ANK3: variants seen among roughly 807,000 people sequenced by gnomAD.
The protein encoded by ANK3 is ankyrin 3.
In ANK3, 57 loss-of-function variants were observed where a neutral mutation model predicts 370.9. That is an observed-to-expected ratio of 0.15 (90% CI 0.12 to 0.19). ANK3 has a LOEUF of 0.19. ANK3 is among the 10% of genes least tolerant of loss of function. The pLI is 1.00. For synonymous variants in ANK3, 1,929 were observed against 1,946.3 expected (o/e 0.99, Z 0.23); for missense variants, 4,439 against 5,302.1 (o/e 0.84, Z 5.06).
chr10:60,097,658 C>T (rs3793857), intron 28 of ANK3, among the ~76,000 whole-genome samples: 134,624 of 152,202 alleles, frequency 0.88, 59,870 homozygotes, highest in Non-Finnish European at 0.93. Context: ...TTACTCTTAA[C>T]GCTTTCAAAT....
intron 1 of ANK3, among the ~76,000 whole-genome samples, chr10:60,621,959 T>G (rs746771912): frequency 1.3e-5 from 2 of 152,114 alleles, no homozygotes; most frequent in African/African-American, 2.4e-5. Flanking sequence ...CTCAATCTAG[T>G]AGTAATCACA....
Position 60,069,489 on chromosome 10 carries a change from G to C in ANK3, c.11392C>G (p.Gln3798Glu). ...NNNNLDSSTI[Q>E]TDNIMSNIVL... ...ATATTACTCATAATGTTATCTGTCTGTATAGTGGAAGAATCCAAATTGTTG... is the reference window on the plus strand; with the variant it reads ...ATATTACTCATAATGTTATCTGTCTCTATAGTGGAAGAATCCAAATTGTTG... The change falls in exon 37 of 44, where the codon CAG becomes GAG. Residue 3798 changes from glutamine to glutamate, a missense_variant. Gln to Glu is a conservative substitution (Grantham distance 29). Around this residue, in one of 13 missense-constraint regions of ANK3, gnomAD observed 496 missense variants for 529.3 expected, o/e 0.94. Coordinates refer to ENST00000280772, the MANE Select transcript of ANK3 (RefSeq NM_020987.5). The C allele has an allele frequency of 6.2e-7, 1 of 1,613,826 alleles. No individual in the cohort carries two copies. The highest frequency in any genetic ancestry group is 8.5e-7 in the Non-Finnish European group (1 of 1,179,878).
At chr10:60,348,113 C>T (rs933202805) in intron 1 of ANK3, among the ~76,000 whole-genome samples, 2 of 152,012 alleles carry the variant, frequency 1.3e-5, no homozygotes, top group Non-Finnish European at 2.9e-5. Context: ...TCTCTCCAGC[C>T]TCATTGGCAA....
At chr10:60,694,629 T>C (rs1204162736) in intron 1 of ANK3, among the ~76,000 whole-genome samples, 1 of 152,084 alleles carries the variant, frequency 6.6e-6, no homozygotes, top group Non-Finnish European at 1.5e-5. Context: ...AACCCAGAAT[T>C]TCATATCCAG....
At chr10:60,052,937 A>T (rs970890607) in intron 42 of ANK3, among the ~76,000 whole-genome samples, 1 of 152,084 alleles carries the variant, frequency 6.6e-6, no homozygotes, top group African/African-American at 2.4e-5. Flanking sequence ...CTTTTTCATC[A>T]ACAGTAAACT....
rs531413398 is a variant in ANK3, at chr10:60,179,866, C to T, written c.2184+1463G>A. ...GGCCTTAAGAATCCTCACCATACTC[C>T]CTGGCTGAATTTTAGGGCATGGCTT... On this transcript the variant is annotated intron_variant, in intron 18 of 43. Transcript: ENST00000280772. Among the ~76,000 whole-genome samples, 10 of 152,194 alleles carry T rather than the reference C, an allele frequency of 6.6e-5. No individual in the cohort carries two copies. In the South Asian group the frequency reaches 1.5e-3, roughly 22 times the overall value.
At chr10:60,500,773 A>G (rs2075775731) in intron 2 of ANK3, among the ~76,000 whole-genome samples, 1 of 152,182 alleles carries the variant, frequency 6.6e-6, no homozygotes, top group South Asian at 2.1e-4. Context: ...TGATTCCTAC[A>G]ATGCCAAAGT....
At chr10:60,531,407 C>A (rs1224509661) in intron 2 of ANK3, among the ~76,000 whole-genome samples, 7 of 152,010 alleles carry the variant, frequency 4.6e-5, no homozygotes, top group African/African-American at 1.7e-4. Context: ...ACATAAATAT[C>A]TCTGGAAAGA....
At chr10:60,107,604 A>G (rs1177052617) in intron 27 of ANK3, among the ~76,000 whole-genome samples, 3 of 152,276 alleles carry the variant, frequency 2.0e-5, no homozygotes, top group Non-Finnish European at 2.9e-5. Context: ...ACTTTAAAAG[A>G]ATACTCTATC....
intron 1 of ANK3, among the ~76,000 whole-genome samples, chr10:60,653,175 C>G (rs2078815170): frequency 6.6e-6 from 1 of 152,104 alleles, no homozygotes; most frequent in Non-Finnish European, 1.5e-5. Context: ...ACGAATTATT[C>G]TCTCTTGTAG....
At position 60,070,213 on chromosome 10, in the gene ANK3, G is replaced by T. The variant is rs778965873; in HGVS notation, c.10668C>A (p.Asp3556Glu). ...SNNRGDDEVF[D>E]SKSREDETKP... ...TAGTTTCATCTTCCCGTGATTTACT[G>T]TCAAAAACTTCATCATCCCCTCGGT... Residue 3556 changes from aspartate (D) to glutamate (E), a missense_variant, in exon 37 of 44, where the codon GAC (aspartate) becomes GAA (glutamate). Physicochemically the swap from Asp to Glu is conservative, Grantham distance 45 (BLOSUM62 2). This residue lies in a region of ANK3 where 1,601 missense variants were observed against 1,731.7 expected (regional missense o/e 0.92). Transcript: ENST00000280772. The surrounding 1 kb of genome is among the most constrained non-coding windows in gnomAD (Gnocchi z 5.7). The T allele has an allele frequency of 1.9e-6, 3 of 1,614,126 alleles. No homozygotes were observed. Among genetic ancestry groups the T allele is most frequent in the Non-Finnish European group, 1.7e-6 (2 of 1,179,998 alleles).
rs968084599 is a variant in ANK3, at chr10:60,200,177, A to G, written c.1443T>C (p.Val481=). 3.7e-6 allele frequency: 6 copies of G among 1,614,172 alleles called. No homozygotes were observed. The highest frequency in any genetic ancestry group is 4.2e-6 in the Non-Finnish European group (5 of 1,180,028). ...CTCCGTCTTGTACCAGATACCGCAC[A>G]ACTTCAGCTTGGCCGGAGCGAGCTG... is the stretch of plus-strand genomic sequence containing the variant. ...HMAARSGQAE[V]VRYLVQDGAQ... Residue 481 remains valine (V), a synonymous_variant, in exon 13 of 44, where the codon GTT becomes GTC. Transcript: ENST00000280772.
rs2092500646 is a variant in ANK3 at position 60,109,366 on chromosome 10, G to C, written c.2949-312C>G. On this transcript the variant is annotated intron_variant, in intron 26 of 43. Transcript: ENST00000280772. Reference sequence around the variant, plus strand: ...TGGAGTAAAATCGGTCTAGTAACAGGATTCTCATGCATTTAAAACAAAAAA... The same window carrying C: ...TGGAGTAAAATCGGTCTAGTAACAGCATTCTCATGCATTTAAAACAAAAAA... Among the ~76,000 whole-genome samples the C allele has an allele frequency of 2.0e-5, 3 of 152,096 alleles. No homozygotes were observed. The East Asian group carries it at 5.8e-4, about 29-fold the overall frequency.
intron 1 of ANK3, among the ~76,000 whole-genome samples, chr10:60,385,619 A>G (rs1385835508): frequency 6.6e-6 from 1 of 152,148 alleles, no homozygotes; most frequent in Non-Finnish European, 1.5e-5. Flanking sequence ...TCTGTCACTG[A>G]TTAACTGTAT....
intron 2 of ANK3, among the ~76,000 whole-genome samples, chr10:60,468,829 G>T (rs73271024): frequency 0.018 from 2,705 of 151,438 alleles, 70 homozygotes; most frequent in African/African-American, 0.062. Flanking sequence ...ATTAATAAAA[G>T]ATAGGGCTAA....
chr10:60,324,594 T>C (rs557940157), intron 1 of ANK3, among the ~76,000 whole-genome samples: 4 of 152,280 alleles, frequency 2.6e-5, no homozygotes, highest in African/African-American at 4.8e-5. Context: ...TTGTGGTAAA[T>C]GGCCAGTCAG....
chr10:60,046,181 T>G (rs1173865262), intron 42 of ANK3, among the ~76,000 whole-genome samples: 2 of 152,222 alleles, frequency 1.3e-5, no homozygotes, highest in Non-Finnish European at 2.9e-5. Context: ...CAACACGTTT[T>G]TAATGGCAGT....
At chr10:60,350,646 G>A (rs1043548319) in intron 1 of ANK3, among the ~76,000 whole-genome samples, 2 of 151,584 alleles carry the variant, frequency 1.3e-5, no homozygotes, top group African/African-American at 4.9e-5. Context: ...CAGCAGCTGT[G>A]GAGATCTACA....
chr10:60,042,658 T>C lies in ANK3; in HGVS notation c.*19+14A>G, dbSNP rs367592531. 7 of 1,608,906 alleles carry C rather than the reference T, an allele frequency of 4.4e-6. No individual in the cohort carries two copies. The highest frequency in any genetic ancestry group is 2.2e-5 in the East Asian group (1 of 44,786). ...AATTTAAGTCCTACTGTTGTTGATA[T>C]GAACACACCTCACCTTGACTGACCG... is the stretch of plus-strand genomic sequence containing the variant. On this transcript the variant is annotated intron_variant, in intron 43 of 43. Transcript: ENST00000280772.
Sources: allele counts gnomAD v4.1 joint callset (sites outside exome capture counted in the v4.1 genomes callset), GRCh38; gene constraint gnomAD v4.1.1; regional missense constraint gnomAD v4.1.1; non-coding constraint Gnocchi (gnomAD v3.1); transcripts MANE v1.5; gene names NCBI Gene and HGNC (gene_info 2026-07-23, HGNC 2026-07-21).